Variants in ARAP2 observed in about 807,000 individuals in gnomAD.
ARAP2 encodes the protein ArfGAP with RhoGAP domain, ankyrin repeat and PH domain 2.
In ARAP2, 148 loss-of-function variants were observed where a neutral mutation model predicts 194.5. The ratio of observed to expected loss-of-function variants is 0.76; its 90% CI spans 0.67 to 0.87. The LOEUF is 0.87. Among genes scored for constraint, ARAP2 ranks in the 40% least tolerant of loss-of-function variants. The probability of loss-of-function intolerance (pLI) is 0.00; values close to 1 mark genes in which losing one functional copy is unlikely to be tolerated. For missense variants in ARAP2, 2,128 were observed against 1,989.7 expected (o/e 1.07, Z -1.32); for synonymous variants, 695 against 683.5 (o/e 1.02, Z -0.26).
chr4:36,054,907 T>G (rs546171822), intron 2 of ARAP2, among the ~76,000 whole-genome samples: 2 of 152,202 alleles, frequency 1.3e-5, no homozygotes, highest in East Asian at 3.8e-4. Context: ...CATTTTATAA[T>G]GATTGGTGAT....
chr4:36,039,362 A>T (rs1054510200), intron 5 of ARAP2, among the ~76,000 whole-genome samples: 1 of 152,206 alleles, frequency 6.6e-6, no homozygotes, highest in African/African-American at 2.4e-5. Context: ...GGTTTAAAAA[A>T]TATGCTTCCT....
chr4:36,127,763 A>G (rs7681338), intron 21 of ARAP2, among the ~76,000 whole-genome samples: 46,847 of 151,710 alleles, frequency 0.31, 8,295 homozygotes, highest in East Asian at 0.47. Flanking sequence ...AATGCTTATG[A>G]TTTATTAATA....
Position 36,082,120 on chromosome 4 carries a change from T to C in ARAP2, c.4544+131A>G, listed in dbSNP as rs1729697282. The C allele has an allele frequency of 7.3e-6, 6 of 821,870 alleles. No individual in the cohort carries two copies. The South Asian group carries it at 1.1e-4, about 15-fold the overall frequency. 50.9% of individuals were successfully genotyped at this position (821,870 alleles called of 1,614,324 possible). A position where few individuals can be genotyped will look rare whatever the true frequency, so the allele number is the denominator to read the frequency against. ...TTCCTCTTCTTAGGCTCAAAGTCTTTACAAACAACCCTAATTTCACTTAGG... is the reference window on the plus strand; with the variant it reads ...TTCCTCTTCTTAGGCTCAAAGTCTTCACAAACAACCCTAATTTCACTTAGG... On this transcript the variant is annotated intron_variant, in intron 30 of 32. Transcript: ENST00000303965.
In ARAP2 at chr4:36,092,002, C is replaced by A. The variant is rs1294559627; in HGVS notation, c.4304G>T (p.Ser1435Ile). ...KHCSDRSTLGSIKEGILKIKE... is the reference protein window; with the variant it reads ...KHCSDRSTLGIIKEGILKIKE... The stretch of plus-strand genomic sequence containing the variant: ...GATTTTCAAGATTCCTTCTTTGATG[C>A]TTCCCAGTGTACTCCGGTCTGTAAA... The change falls in exon 28 of 33, where the codon AGC (serine) becomes ATC (isoleucine). Residue 1435 changes from serine to isoleucine, a missense_variant. Physicochemically the swap from Ser to Ile is moderately radical, Grantham distance 142. Transcript: ENST00000303965. The A allele has an allele frequency of 1.2e-6, 2 of 1,602,018 alleles. No individual in the cohort carries two copies. The highest frequency in any genetic ancestry group is 8.5e-7 in the Non-Finnish European group (1 of 1,171,002).
At chr4:36,018,938 C>T (rs1716395039) in intron 6 of ARAP2, among the ~76,000 whole-genome samples, 1 of 137,416 alleles carries the variant, frequency 7.3e-6, no homozygotes, top group Admixed American at 6.8e-5. Context: ...CTAGGGAGGG[C>T]CAAGCTAAAG....
chr4:36,164,967 T>A lies in ARAP2; in HGVS notation c.2120A>T (p.Asp707Val), dbSNP rs2109798171. Residue 707 changes from aspartate to valine, a missense_variant, in exon 11 of 33, where the codon GAT (aspartate) becomes GTT (valine). Coordinates refer to ENST00000303965, the MANE Select transcript of ARAP2 (RefSeq NM_015230.4). ...NRSCADCKAP[D>V]PDWASINLCV... ...GAGATTGATGGATGCCCAGTCAGGA[T>A]CTGGGGCTTTACAATCTGCACAGCT... 2 of 1,614,126 alleles carry A rather than the reference T, an allele frequency of 1.2e-6. No homozygotes were observed. The highest frequency in any genetic ancestry group is 4.5e-5 in the East Asian group (2 of 44,882).
chr4:36,130,169 C>T (rs1380605929), intron 20 of ARAP2, among the ~76,000 whole-genome samples: 1 of 151,948 alleles, frequency 6.6e-6, no homozygotes, highest in African/African-American at 2.4e-5. Flanking sequence ...CAACTCCTTG[C>T]CCATATTCTT....
intron 9 of ARAP2, among the ~76,000 whole-genome samples, chr4:36,177,318 T>C (rs1227782244): frequency 6.6e-6 from 1 of 152,166 alleles, no homozygotes; most frequent in East Asian, 1.9e-4. Context: ...GAATTTGTAC[T>C]TATATAGACG....
rs1052639173 is a variant in ARAP2 at position 36,190,154 on chromosome 4, C to T, written c.1558-2583G>A. ...CTTCACGCCCATCTGCACATACTTA[C>T]TGCCTCCTCAACCTTCATATTTCAG... On this transcript the variant is annotated intron_variant, in intron 7 of 32. Transcript: ENST00000303965. Among the ~76,000 whole-genome samples the T allele has an allele frequency of 6.6e-5, 10 of 152,324 alleles. No individual in the cohort carries two copies. The East Asian group carries it at 1.2e-3, about 18-fold the overall frequency.
At chr4:36,153,093 G>C (rs74987139) in intron 15 of ARAP2, among the ~76,000 whole-genome samples, 4 of 152,168 alleles carry the variant, frequency 2.6e-5, no homozygotes, top group Admixed American at 2.6e-4. Context: ...CTTTAAAAGG[G>C]TATGTACAAA....
intron 22 of ARAP2, among the ~76,000 whole-genome samples, chr4:36,123,688 C>T (rs1390437768): frequency 6.6e-6 from 1 of 151,696 alleles, no homozygotes; most frequent in Non-Finnish European, 1.5e-5. Context: ...CTAACAATAC[C>T]ATCATAGGGA....
chr4:36,098,650 A>G (rs1013812281), intron 27 of ARAP2, among the ~76,000 whole-genome samples: 5 of 152,018 alleles, frequency 3.3e-5, no homozygotes, highest in Non-Finnish European at 7.4e-5. Flanking sequence ...TATTTGGAAA[A>G]CCAATCCTTG....
At chr4:36,149,345 T>G (rs1730394103) in intron 16 of ARAP2, among the ~76,000 whole-genome samples, 1 of 152,150 alleles carries the variant, frequency 6.6e-6, no homozygotes, top group African/African-American at 2.4e-5. Flanking sequence ...GTTCACCCTC[T>G]TCCTCTAGTT....
intron 28 of ARAP2, 53 bp from the exon 29 acceptor site, chr4:36,083,503 A>G: frequency 4.7e-6 from 6 of 1,269,488 alleles, no homozygotes; most frequent in Non-Finnish European, 6.5e-6. Context: ...ATTTCCTTAC[A>G]TTTTCTTTGA....
chr4:36,114,363 C>T (rs1005535213), intron 25 of ARAP2, 76 bp from the exon 26 acceptor site: 3 of 840,560 alleles, frequency 3.6e-6, no homozygotes, highest in Non-Finnish European at 5.7e-6. Flanking sequence ...ATAATATTCC[C>T]CATCCACCAT....
chr4:36,096,164 G>C (rs1715141890), intron 27 of ARAP2, among the ~76,000 whole-genome samples: 2 of 151,906 alleles, frequency 1.3e-5, no homozygotes. Flanking sequence ...AAGAGCTTGA[G>C]ACCAGCCTGG....
intron 3 of ARAP2, among the ~76,000 whole-genome samples, chr4:36,049,870 T>C (rs1296010363): frequency 6.6e-6 from 1 of 150,550 alleles, no homozygotes; most frequent in East Asian, 1.9e-4. Context: ...TTATCTTAAA[T>C]TATTTTTCAC....
In ARAP2 at chr4:36,147,563, T is replaced by C; in HGVS notation, c.3184A>G (p.Arg1062Gly). 1 of 1,612,376 alleles carries C rather than the reference T, an allele frequency of 6.2e-7. No individual in the cohort carries two copies. The highest frequency in any genetic ancestry group is 8.5e-7 in the Non-Finnish European group (1 of 1,179,382). Residue 1062 changes from arginine (R) to glycine (G), a missense_variant, in exon 18 of 33, where the codon AGA becomes GGA. Coordinates refer to ENST00000303965, the MANE Select transcript of ARAP2 (RefSeq NM_015230.4). ...EVQGDRMHLR[R>G]LQELTISTMV... The stretch of plus-strand genomic sequence containing the variant: ...AAGCTCTTACTTAGCTCTTGCAGTC[T>C]TCTTAAGTGCATTCTATCTCCCTGA...
chr4:36,074,868 G>T (rs1185198555), intron 31 of ARAP2, among the ~76,000 whole-genome samples: 1 of 151,506 alleles, frequency 6.6e-6, no homozygotes, highest in Non-Finnish European at 1.5e-5. Flanking sequence ...TAACTAAGGG[G>T]CAAACTGCCA....
Sources: allele counts gnomAD v4.1 joint callset (sites outside exome capture counted in the v4.1 genomes callset), GRCh38; gene constraint gnomAD v4.1.1; transcripts MANE v1.5; gene names NCBI Gene and HGNC (gene_info 2026-07-23, HGNC 2026-07-21).